The following POU2F2 variants were observed in gnomAD, a reference collection of about 807,000 sequenced individuals.
POU2F2 encodes POU domain, class 2, transcription factor 2.
POU2F2 carries 14 observed loss-of-function variants against 63.5 expected under a neutral mutation model. That is an observed-to-expected ratio of 0.22 (90% CI 0.15 to 0.34). The LOEUF is 0.34. Among genes scored for constraint, POU2F2 ranks in the 10% least tolerant of loss-of-function variants. The pLI, the probability that POU2F2 is intolerant of heterozygous loss-of-function variation, is 1.00. For missense variants in POU2F2, 607 were observed against 815.2 expected (o/e 0.74, Z 3.11); for synonymous variants, 306 against 348.6 (o/e 0.88, Z 1.36).
chr19:42,171,256 G>A (rs1054338111), intron 1 of POU2F2, among the ~76,000 whole-genome samples: 5 of 152,182 alleles, frequency 3.3e-5, no homozygotes, highest in African/African-American at 1.2e-4. Context: ...TATGTGTATG[G>A]GTGGTGGGAT....
chr19:42,125,173 C>T (rs2033073571), intron 1 of POU2F2, among the ~76,000 whole-genome samples: 1 of 151,984 alleles, frequency 6.6e-6, no homozygotes, highest in Admixed American at 6.6e-5. Context: ...GCCTGGGCAA[C>T]ATAGTGAAAT....
At chr19:42,188,924 G>GAAGGAAGC (rs2035045935) in intron 1 of POU2F2, among the ~76,000 whole-genome samples, 2 of 149,878 alleles carry the variant, frequency 1.3e-5, no homozygotes, top group African/African-American at 4.9e-5. Context: ...AGGAAGGAAG[G>GAAGGAAGC]AAGGAAGGAA....
intron 5 of POU2F2, among the ~76,000 whole-genome samples, chr19:42,115,717 G>C (rs1201360743): frequency 6.6e-6 from 1 of 152,176 alleles, no homozygotes; most frequent in Non-Finnish European, 1.5e-5. Flanking sequence ...TGGGAACTCT[G>C]TTGGCCACTG....
intron 2 of POU2F2, among the ~76,000 whole-genome samples, chr19:42,141,034 C>G (rs2034116315): frequency 6.6e-6 from 1 of 152,188 alleles, no homozygotes; most frequent in African/African-American, 2.4e-5. Context: ...ACACACCAGC[C>G]TCTGCTCAAA....
chr19:42,094,119 C>A (rs1379384492), intron 11 of POU2F2, among the ~76,000 whole-genome samples: 1 of 152,264 alleles, frequency 6.6e-6, no homozygotes, highest in Non-Finnish European at 1.5e-5. Flanking sequence ...CACCTCTCTT[C>A]TGACACCGCC....
intron 1 of POU2F2, among the ~76,000 whole-genome samples, chr19:42,167,220 C>T (rs778220454): frequency 1.3e-5 from 2 of 152,134 alleles, no homozygotes; most frequent in African/African-American, 2.4e-5. Flanking sequence ...TTTGGGAGGC[C>T]GTGGCGGGCA....
At chr19:42,106,003 C>CT (rs1055005439) in intron 5 of POU2F2, among the ~76,000 whole-genome samples, 1 of 85,370 alleles carries the variant, frequency 1.2e-5, no homozygotes, top group African/African-American at 4.8e-5. Context: ...TTTCTTTTTT[C>CT]TTTCTTTCTT....
chr19:42,100,074 AC>A (rs1197792115), intron 5 of POU2F2, among the ~76,000 whole-genome samples: 2 of 67,860 alleles, frequency 2.9e-5, no homozygotes, highest in African/African-American at 1.2e-4. Flanking sequence ...CTCTTTATTT[AC>A]CCTTTCTTTC....
rs570060256 is a variant in POU2F2 at position 42,153,373 on chromosome 19, G to T, written c.-9+6959C>A. Among the ~76,000 whole-genome samples, 4 of 152,128 alleles carry T rather than the reference G, an allele frequency of 2.6e-5. No homozygotes were observed. Among genetic ancestry groups the T allele is most frequent in the Non-Finnish European group, 5.9e-5 (4 of 68,010 alleles). ...CGCTAAGTCTCTGTCTGTCCCTTGG[G>T]GATGTATCCCAGGAACACCTCAGGG... On this transcript the variant is annotated intron_variant, in intron 2 of 6. Transcript: ENST00000524801. The surrounding 1 kb of genome is among the most constrained non-coding windows in gnomAD (Gnocchi z 5.6).
chr19:42,099,240 TG>T (rs1338535084), intron 7 of POU2F2: 3 of 362,994 alleles, frequency 8.3e-6, no homozygotes, highest in Non-Finnish European at 1.5e-5. Context: ...ATGAGCATTT[TG>T]GGGGAATGGG....
chr19:42,194,694 G>C (rs1302653681), intron 1 of POU2F2, among the ~76,000 whole-genome samples: 2 of 136,352 alleles, frequency 1.5e-5, no homozygotes, highest in Admixed American at 1.5e-4. Flanking sequence ...GGGAGGTGGA[G>C]GTTACAGTGA....
chr19:42,130,589 G>A (rs938301781), intron 1 of POU2F2, among the ~76,000 whole-genome samples: 3 of 151,972 alleles, frequency 2.0e-5, no homozygotes, highest in African/African-American at 4.8e-5. Context: ...GTCAGTGGGA[G>A]CAGACACCCT....
chr19:42,162,718 G>A lies in POU2F2; in HGVS notation c.-69-2326C>T, dbSNP rs894912063. Reference sequence around the variant, plus strand: ...ATGGCAGACTGTGAGCTCCTTGAGGGCAAGGCAGGGCCTGGCTCCTTTGGG... The same window carrying A: ...ATGGCAGACTGTGAGCTCCTTGAGGACAAGGCAGGGCCTGGCTCCTTTGGG... On this transcript the variant is annotated intron_variant, in intron 1 of 6. Coordinates refer to the POU2F2 transcript ENST00000524801. This position sits in a 1 kb window ranked among gnomAD's most constrained non-coding sequence, Gnocchi z 4.1. 5.9e-5 allele frequency among the ~76,000 whole-genome samples: 9 copies of A among 152,176 alleles called. No homozygotes were observed. The highest frequency in any genetic ancestry group is 2.2e-4 in the African/African-American group (9 of 41,428).
At chr19:42,143,300 C>G (rs997537342) in intron 2 of POU2F2, among the ~76,000 whole-genome samples, 2 of 151,954 alleles carry the variant, frequency 1.3e-5, no homozygotes, top group East Asian at 1.9e-4. Flanking sequence ...TGCAGTGAGC[C>G]GAGATCAAGC....
At chr19:42,128,154 C>T (rs1161507731) in intron 1 of POU2F2, among the ~76,000 whole-genome samples, 2 of 152,090 alleles carry the variant, frequency 1.3e-5, no homozygotes, top group Non-Finnish European at 2.9e-5. Flanking sequence ...CAACTGTGGG[C>T]TCCTCAGGAG....
At chr19:42,185,946 G>A (rs1276204639) in intron 1 of POU2F2, among the ~76,000 whole-genome samples, 1 of 152,178 alleles carries the variant, frequency 6.6e-6, no homozygotes, top group Admixed American at 6.5e-5. Context: ...TTGGAGTGCA[G>A]TGGCACTATT....
At chr19:42,106,007 C>CTT (rs920421310) in intron 5 of POU2F2, among the ~76,000 whole-genome samples, 3 of 119,882 alleles carry the variant, frequency 2.5e-5, no homozygotes, top group African/African-American at 6.5e-5. Context: ...TTTTTTCTTT[C>CTT]TTTCTTTCTT....
At chr19:42,160,767 C>T (rs186708213) in intron 1 of POU2F2, among the ~76,000 whole-genome samples, 7 of 152,146 alleles carry the variant, frequency 4.6e-5, no homozygotes, top group East Asian at 3.9e-4. Flanking sequence ...TAACGGACGA[C>T]GGAGTGAATG....
intron 2 of POU2F2, among the ~76,000 whole-genome samples, chr19:42,149,004 C>T (rs1028884862): frequency 2.0e-5 from 3 of 151,936 alleles, no homozygotes; most frequent in Non-Finnish European, 4.4e-5. Context: ...GCAGCTTCAC[C>T]TTCCCAAGCC....
Sources: gnomAD v4.1 joint callset for allele counts (sites outside exome capture counted in the v4.1 genomes callset) on GRCh38, gnomAD v4.1.1 for gene constraint, Gnocchi (gnomAD v3.1) non-coding constraint, MANE v1.5 for transcripts, NCBI Gene and HGNC (gene_info 2026-07-23, HGNC 2026-07-21) for gene names.